ELANE: variants seen among roughly 807,000 people sequenced by gnomAD.
ELANE encodes the protein elastase, neutrophil expressed, also known as neutrophil elastase.
A neutral mutation model predicts 20.6 loss-of-function variants in ELANE; 12 were observed. The observed-to-expected ratio is 0.58, with a 90% CI of 0.37 to 0.94. The LOEUF is 0.94. Ranked by LOEUF, ELANE falls within the 40% of genes least tolerant of loss-of-function variation. ELANE has a pLI of 0.01. For synonymous variants in ELANE, 203 were observed against 177.4 expected, an observed-to-expected ratio of 1.14 and a Z score of -1.15; for missense variants, 388 against 395.2, an observed-to-expected ratio of 0.98 and a Z score of 0.15.
Position 855,545 on chromosome 19 carries a change from T to C in ELANE, c.367-19T>C, listed in dbSNP as rs755889329. 2 of 1,597,648 alleles carry C rather than the reference T, an allele frequency of 1.3e-6. No individual in the cohort carries two copies. Among genetic ancestry groups the C allele is most frequent in the Admixed American group, 3.3e-5 (2 of 59,940 alleles). On this transcript the variant is annotated intron_variant, in intron 3 of 4. Coordinates refer to ENST00000263621, the MANE Select transcript of ELANE (RefSeq NM_001972.4). The surrounding 1 kb of genome is among the most constrained non-coding windows in gnomAD (Gnocchi z 6.2). ...ACTGCCCCGTGTGACGCGCTGACGA[T>C]CTGTCCCCACCGCCACAGCTCAACG...
intron 1 of ELANE, 86 bp downstream of exon 1, chr19:852,481 T>G: frequency 2.0e-6 from 3 of 1,490,098 alleles, no homozygotes; most frequent in East Asian, 2.4e-5. Flanking sequence ...CCAGTGTGGG[T>G]CCCTCATCCT....
rs2035606179 is a variant in ELANE, at chr19:852,322, C to A, written c.-7C>A. ...AGGGGCAGAGACCCCGGAGCCCCAG[C>A]CCCACCATGACCCTCGGCCGCCGAC... On this transcript the variant is annotated 5_prime_UTR_variant, in exon 1 of 5. Coordinates refer to ENST00000263621, the MANE Select transcript of ELANE (RefSeq NM_001972.4). 6.2e-7 allele frequency: 1 copy of A among 1,608,102 alleles called. No homozygotes were observed. Among genetic ancestry groups the A allele is most frequent in the South Asian group, 1.1e-5 (1 of 90,946 alleles).
intron 3 of ELANE, among the ~76,000 whole-genome samples, chr19:854,978 C>T (rs924104984): frequency 4.6e-5 from 7 of 151,768 alleles, no homozygotes; most frequent in African/African-American, 1.7e-4. Flanking sequence ...CTCAGCCTCC[C>T]AGGTAGCTGG....
intron 3 of ELANE, among the ~76,000 whole-genome samples, chr19:854,462 G>A (rs2035643358): frequency 6.6e-6 from 1 of 151,080 alleles, no homozygotes; most frequent in Admixed American, 6.6e-5. Context: ...CCCTGGGAAG[G>A]GTTAGAGGGA....
At chr19:854,810 A>C (rs985692957) in intron 3 of ELANE, among the ~76,000 whole-genome samples, 4 of 146,704 alleles carry the variant, frequency 2.7e-5, no homozygotes, top group African/African-American at 9.9e-5. Context: ...AATATAAAAT[A>C]TATAAAAATA....
Position 852,797 on chromosome 19 carries a change from G to A in ELANE, c.68-79G>A, listed in dbSNP as rs17216621. ...TGGGGGATCCCGTGGGTTCCTGGTG[G>A]GGGATCCAGAGGCCCCGTGGCCGGG... is the stretch of plus-strand genomic sequence containing the variant. On this transcript the variant is annotated intron_variant, in intron 1 of 4. Transcript: ENST00000263621. The A allele has an allele frequency of 3.1e-3, 4,693 of 1,529,548 alleles. 122 individuals carry two copies. In the African/African-American group the frequency reaches 0.053, roughly 17 times the overall value. 94.7% of individuals were successfully genotyped at this position (1,529,548 alleles called of 1,614,324 possible).
At position 855,537 on chromosome 19, in the gene ELANE, G is replaced by A. The variant is rs767462626; in HGVS notation, c.367-27G>A. ...TCATCATCACTGCCCCGTGTGACGC[G>A]CTGACGATCTGTCCCCACCGCCACA... On this transcript the variant is annotated intron_variant, in intron 3 of 4. Coordinates refer to ENST00000263621, the MANE Select transcript of ELANE (RefSeq NM_001972.4). The surrounding 1 kb of genome is among the most constrained non-coding windows in gnomAD (Gnocchi z 6.2). The A allele has an allele frequency of 1.4e-5, 22 of 1,595,610 alleles. No homozygotes were observed. In the East Asian group the frequency reaches 1.6e-4, roughly 11 times the overall value.
rs1223789660 is a variant in ELANE at position 855,807 on chromosome 19, G to C, written c.597+13G>C. The C allele has an allele frequency of 1.4e-5, 23 of 1,608,026 alleles. No homozygotes were observed. Among genetic ancestry groups the C allele is most frequent in the Non-Finnish European group, 1.9e-5 (23 of 1,179,868 alleles). The stretch of plus-strand genomic sequence containing the variant: ...CGGCGTCTGTTTCGTACGTGCCCTG[G>C]GTGTCCCTCTGCTCCCCACCCGCTC... On this transcript the variant is annotated intron_variant, in intron 4 of 4. Coordinates refer to ENST00000263621, the MANE Select transcript of ELANE (RefSeq NM_001972.4). The surrounding 1 kb of genome is among the most constrained non-coding windows in gnomAD (Gnocchi z 6.2).
chr19:855,505 G>T lies in ELANE; in HGVS notation c.367-59G>T. On this transcript the variant is annotated intron_variant, in intron 3 of 4. Transcript: ENST00000263621. The surrounding 1 kb of genome is among the most constrained non-coding windows in gnomAD (Gnocchi z 6.2). Reference sequence around the variant, plus strand: ...GATGGGGAAACTGAGGCCCGGAGAGGGGAGGGTCATCATCACTGCCCCGTG... The same window carrying T: ...GATGGGGAAACTGAGGCCCGGAGAGTGGAGGGTCATCATCACTGCCCCGTG... 6.4e-7 allele frequency: 1 copy of T among 1,552,798 alleles called. No individual in the cohort carries two copies. Among genetic ancestry groups the T allele is most frequent in the Non-Finnish European group, 8.7e-7 (1 of 1,147,266 alleles).
At position 855,760 on chromosome 19, in the gene ELANE, C is replaced by T; in HGVS notation, c.563C>T (p.Thr188Ile). 2.5e-6 allele frequency: 4 copies of T among 1,609,466 alleles called. No homozygotes were observed. The highest frequency in any genetic ancestry group is 3.4e-6 in the Non-Finnish European group (4 of 1,179,944). The change falls in exon 4 of 5, where the codon ACT becomes ATT. Residue 188 changes from threonine to isoleucine, a missense_variant. This residue lies in a region of ELANE where 321 missense variants were observed against 309.8 expected (regional missense o/e 1.04). Transcript: ENST00000263621. The surrounding 1 kb of genome is among the most constrained non-coding windows in gnomAD (Gnocchi z 6.2). Reference protein sequence around the residue: ...TSLCRRSNVCTLVRGRQAGVC... With the variant: ...TSLCRRSNVCILVRGRQAGVC... ...CTCTGCCGTCGCAGCAACGTCTGCA[C>T]TCTCGTGAGGGGCCGGCAGGCCGGC...
intron 1 of ELANE, 123 bp downstream of exon 1, chr19:852,518 G>A (rs1568303757): frequency 1.6e-6 from 2 of 1,255,326 alleles, no homozygotes; most frequent in South Asian, 1.3e-5. Flanking sequence ...GCTGGGACAA[G>A]GAGACCAGAA....
chr19:854,196 C>A lies in ELANE; in HGVS notation c.366+793C>A, dbSNP rs539985479. Among the ~76,000 whole-genome samples the A allele has an allele frequency of 1.3e-4, 20 of 152,256 alleles. No homozygotes were observed. In the East Asian group the frequency reaches 3.7e-3, roughly 28 times the overall value. On this transcript the variant is annotated intron_variant, in intron 3 of 4. Coordinates refer to ENST00000263621, the MANE Select transcript of ELANE (RefSeq NM_001972.4). ...CCGTGGCTCAGGCCTGTCATCCCAGCACTTTGGGAGGCTGAGGCGGGTGGA... is the reference window on the plus strand; with the variant it reads ...CCGTGGCTCAGGCCTGTCATCCCAGAACTTTGGGAGGCTGAGGCGGGTGGA...
rs747904347 is a variant in ELANE at position 856,048 on chromosome 19, G to A, written c.688G>A (p.Asp230Asn). Residue 230 changes from aspartate to asparagine, a missense_variant, in exon 5 of 5, where the codon GAT becomes AAT. Asp to Asn is a conservative substitution (Grantham distance 23). Coordinates refer to ENST00000263621, the MANE Select transcript of ELANE (RefSeq NM_001972.4). ...RGGCASGLYP[D>N]AFAPVAQFVN... ...AGGCTGCGCCTCAGGGCTCTACCCC[G>A]ATGCCTTTGCCCCGGTGGCACAGTT... 14 of 1,613,454 alleles carry A rather than the reference G, an allele frequency of 8.7e-6. 1 individual carries two copies. Among genetic ancestry groups the A allele is most frequent in the South Asian group, 3.3e-5 (3 of 91,082 alleles).
intron 2 of ELANE, 46 bp from the exon 3 acceptor site, chr19:853,216 C>T: frequency 6.5e-7 from 1 of 1,547,622 alleles, no homozygotes; most frequent in Non-Finnish European, 8.7e-7. Context: ...GGCTGAGCCC[C>T]GACCCCCGGG....
intron 1 of ELANE, 37 bp from the exon 2 acceptor site, chr19:852,839 G>A: frequency 6.3e-7 from 1 of 1,587,462 alleles, no homozygotes; most frequent in Non-Finnish European, 8.5e-7. Flanking sequence ...CAGGCTCCTT[G>A]GCAGGCACTC....
chr19:852,777 G>T (rs1013662709), intron 1 of ELANE, 99 bp from the exon 2 acceptor site: 2 of 1,480,500 alleles, frequency 1.4e-6, no homozygotes, highest in Non-Finnish European at 1.8e-6. Context: ...CCCGGTGGGG[G>T]ATCCCGTGGG....
rs2035661402 is a variant in ELANE at position 855,454 on chromosome 19, G to T, written c.367-110G>T. ...GTGGGGTGGGTATCCTGCCCTGCAG[G>T]ATCCCAGAACCACAGTGGAACCTGA... On this transcript the variant is annotated intron_variant, in intron 3 of 4. Coordinates refer to ENST00000263621, the MANE Select transcript of ELANE (RefSeq NM_001972.4). The surrounding 1 kb of genome is among the most constrained non-coding windows in gnomAD (Gnocchi z 6.2). 1 of 1,244,548 alleles carries T rather than the reference G, an allele frequency of 8.0e-7. No individual in the cohort carries two copies. 77.1% of individuals were successfully genotyped at this position (1,244,548 alleles called of 1,614,324 possible).
At position 856,067 on chromosome 19, in the gene ELANE, C is replaced by T; in HGVS notation, c.707C>T (p.Ala236Val). The T allele has an allele frequency of 6.2e-7, 1 of 1,613,446 alleles. No individual in the cohort carries two copies. Among genetic ancestry groups the T allele is most frequent in the East Asian group, 2.2e-5 (1 of 44,878 alleles). Residue 236 changes from alanine to valine, a missense_variant, in exon 5 of 5, where the codon GCA (alanine) becomes GTA (valine). Physicochemically the swap from Ala to Val is moderately conservative, Grantham distance 64. Transcript: ENST00000263621. ...GLYPDAFAPV[A>V]QFVNWIDSII... Reference sequence around the variant, plus strand: ...TACCCCGATGCCTTTGCCCCGGTGGCACAGTTTGTAAACTGGATCGACTCT... The same window carrying T: ...TACCCCGATGCCTTTGCCCCGGTGGTACAGTTTGTAAACTGGATCGACTCT...
At chr19:852,467 C>T (rs1568303743) in intron 1 of ELANE, 72 bp downstream of exon 1, 3 of 1,545,978 alleles carry the variant, frequency 1.9e-6, no homozygotes, top group African/African-American at 1.4e-5. Context: ...CATAGAGGGC[C>T]CCACCAGTGT....
Sources: gnomAD v4.1 joint callset for allele counts (sites outside exome capture counted in the v4.1 genomes callset) on GRCh38, gnomAD v4.1.1 for gene constraint, gnomAD v4.1.1 regional missense constraint, Gnocchi (gnomAD v3.1) non-coding constraint, MANE v1.5 for transcripts, NCBI Gene and HGNC (gene_info 2026-07-23, HGNC 2026-07-21) for gene names.